RNASEH1: variants seen among roughly 807,000 people sequenced by gnomAD.
RNASEH1 encodes the protein ribonuclease H1, also known as ribonuclease H type II.
Under a neutral mutation model 34.6 loss-of-function variants are expected in RNASEH1, and 27 were observed. The observed-to-expected ratio is 0.78, with a 90% CI of 0.58 to 1.08. The LOEUF (loss-of-function observed/expected upper bound fraction) is 1.08. Ranked by LOEUF, RNASEH1 falls within the 50% of genes least tolerant of loss-of-function variation. The pLI is 0.00. For missense variants in RNASEH1, 349 were observed against 373.6 expected (o/e 0.93, Z 0.54); for synonymous variants, 162 against 138.4 (o/e 1.17, Z -1.20).
intron 4 of RNASEH1, 55 bp from the exon 5 acceptor site, chr2:3,549,167 A>C (rs1477264759): frequency 2.4e-6 from 3 of 1,257,038 alleles, no homozygotes; most frequent in South Asian, 2.4e-5. Context: ...TCTCAAAGTG[A>C]TTCTTCTTAA....
rs1016708601 is a variant in RNASEH1, at chr2:3,541,633, C to T, written c.*4152G>A. 6.6e-6 allele frequency among the ~76,000 whole-genome samples: 1 copy of T among 152,144 alleles called. No homozygotes were observed. The highest frequency in any genetic ancestry group is 2.4e-5 in the African/African-American group (1 of 41,420). On this transcript the variant is annotated 3_prime_UTR_variant, in exon 8 of 8. Transcript: ENST00000315212. ...CCCCACAGTACTTGCTCTGCGATTCCACTCAGATAAAATTCTAGAATATAT... is the reference window on the plus strand; with the variant it reads ...CCCCACAGTACTTGCTCTGCGATTCTACTCAGATAAAATTCTAGAATATAT...
chr2:3,535,364 C>T, the RNASEH1 span, among the ~76,000 whole-genome samples: 1 of 148,380 alleles, frequency 6.7e-6, no homozygotes, highest in Non-Finnish European at 1.5e-5. Flanking sequence ...GAGGCAGAGG[C>T]TGCAGTGAGC....
chr2:3,536,010 T>TACTGACC, the RNASEH1 span, among the ~76,000 whole-genome samples: 2 of 152,198 alleles, frequency 1.3e-5, no homozygotes, highest in African/African-American at 4.8e-5. Context: ...CCAGGTCCTG[T>TACTGACC]ACTGACCACA....
chr2:3,554,329 C>A (rs369727651), intron 2 of RNASEH1, among the ~76,000 whole-genome samples: 1 of 152,124 alleles, frequency 6.6e-6, no homozygotes, highest in Non-Finnish European at 1.5e-5. Context: ...GTTTTACTTA[C>A]TATAACAGAG....
At chr2:3,537,510 CCCAGAA>C (rs978676068), downstream of RNASEH1, among the ~76,000 whole-genome samples, 3 of 151,762 alleles carry the variant, frequency 2.0e-5, no homozygotes, top group African/African-American at 7.3e-5. Flanking sequence ...ATTGCTTGAG[CCCAGAA>C]GTTGAAGACC....
At chr2:3,550,193 T>C in intron 4 of RNASEH1, 180 bp downstream of exon 4, 10 of 374,018 alleles carry the variant, frequency 2.7e-5, no homozygotes, top group Non-Finnish European at 3.5e-5. Context: ...CTGAGGTACC[T>C]CACGTTCTGA....
At chr2:3,539,654 G>A (rs182608832), downstream of RNASEH1, among the ~76,000 whole-genome samples, 5 of 152,244 alleles carry the variant, frequency 3.3e-5, no homozygotes, top group East Asian at 5.8e-4. Context: ...TCATTGCTAC[G>A]TGTTTTGTTC....
intron 2 of RNASEH1, among the ~76,000 whole-genome samples, chr2:3,553,126 T>G (rs891182130): frequency 3.3e-5 from 5 of 151,796 alleles, no homozygotes; most frequent in Admixed American, 6.6e-5. Flanking sequence ...CGGGCACCTG[T>G]AATCCCAGCT....
Position 3,543,457 on chromosome 2 carries a change from T to C in RNASEH1, c.*2328A>G, listed in dbSNP as rs1668461176. ...GAGCTATCAATGACTGTGCGTGTGG[T>C]CTGTGCACACATGTATGCACACATG... On this transcript the variant is annotated 3_prime_UTR_variant, in exon 8 of 8. Transcript: ENST00000315212. 6.6e-6 allele frequency among the ~76,000 whole-genome samples: 1 copy of C among 152,014 alleles called. No homozygotes were observed. Among genetic ancestry groups the C allele is most frequent in the African/African-American group, 2.4e-5 (1 of 41,312 alleles).
rs372630726 is a variant in RNASEH1 at position 3,547,995 on chromosome 2, T to C, written c.710A>G (p.Glu237Gly). 3 of 1,613,662 alleles carry C rather than the reference T, an allele frequency of 1.9e-6. No homozygotes were observed. The African/African-American group carries it at 4.0e-5, about 22-fold the overall frequency. Residue 237 changes from glutamate (E) to glycine (G), a missense_variant, in exon 7 of 8, where the codon GAG (glutamate) becomes GGG (glycine). Physicochemically the swap from Glu to Gly is moderately conservative, Grantham distance 98 (BLOSUM62 -2). Coordinates refer to ENST00000315212, the MANE Select transcript of RNASEH1 (RefSeq NM_002936.6). Reference sequence around the variant, plus strand: ...CACAAAGTCCTCTTTGTTGATCACCTCTTTCCCTGCACTTGTCTTCCACCC... The same window carrying C: ...CACAAAGTCCTCTTTGTTGATCACCCCTTTCCCTGCACTTGTCTTCCACCC... ...KNGWKTSAGK[E>G]VINKEDFVAL...
At chr2:3,535,006 C>T in the RNASEH1 span, among the ~76,000 whole-genome samples, 6 of 152,144 alleles carry the variant, frequency 3.9e-5, no homozygotes, top group Admixed American at 2.0e-4. Flanking sequence ...CTGGGGAGTC[C>T]GTGTCCAACA....
At position 3,543,929 on chromosome 2, in the gene RNASEH1, A is replaced by G. The variant is rs1049526181; in HGVS notation, c.*1856T>C. Among the ~76,000 whole-genome samples the G allele has an allele frequency of 1.3e-5, 2 of 152,136 alleles. No individual in the cohort carries two copies. Among genetic ancestry groups the G allele is most frequent in the South Asian group, 4.1e-4 (2 of 4,834 alleles). On this transcript the variant is annotated 3_prime_UTR_variant, in exon 8 of 8. Transcript: ENST00000315212. ...ATGCCCAGCCCATGAATTCTTGTAT[A>G]TATGTAAAAACCCTTCACCACTCAC...
In RNASEH1 at chr2:3,542,110, G is replaced by A. The variant is rs1308749508; in HGVS notation, c.*3675C>T. On this transcript the variant is annotated 3_prime_UTR_variant, in exon 8 of 8. Transcript: ENST00000315212. ...GCAAACACTGAGAACAGCCAATTTA[G>A]ATTTCAACATACAGATAACAGGGAT... Among the ~76,000 whole-genome samples the A allele has an allele frequency of 1.3e-5, 2 of 152,142 alleles. No individual in the cohort carries two copies. The highest frequency in any genetic ancestry group is 6.5e-5 in the Admixed American group (1 of 15,270).
chr2:3,555,573 C>T (rs1399064432), intron 2 of RNASEH1, among the ~76,000 whole-genome samples: 2 of 152,132 alleles, frequency 1.3e-5, no homozygotes, highest in South Asian at 2.1e-4. Flanking sequence ...TACGATGATT[C>T]GAAGGAGCAG....
At chr2:3,538,497 T>G (rs1668110427), downstream of RNASEH1, among the ~76,000 whole-genome samples, 1 of 152,072 alleles carries the variant, frequency 6.6e-6, no homozygotes, top group Non-Finnish European at 1.5e-5. Context: ...CTTCACTGTT[T>G]GTGAATTTTT....
At chr2:3,551,156 G>C (rs1659852251) in intron 3 of RNASEH1, among the ~76,000 whole-genome samples, 1 of 152,256 alleles carries the variant, frequency 6.6e-6, no homozygotes, top group African/African-American at 2.4e-5. Flanking sequence ...GGAAGTGGAA[G>C]TACTTGTCCG....
chr2:3,541,329 CAAA>C (rs58652290), downstream of RNASEH1, among the ~76,000 whole-genome samples: 1 of 114,940 alleles, frequency 8.7e-6, no homozygotes. Context: ...GCTCCATCTC[CAAA>C]AAAAAAAAAA....
downstream of RNASEH1, chr2:3,536,794 T>C (rs757011491): frequency 1.3e-5 from 2 of 152,232 alleles, no homozygotes; most frequent in Non-Finnish European, 2.9e-5. Flanking sequence ...AGAAATCTAT[T>C]TTCTCCCAGT....
intron 7 of RNASEH1, among the ~76,000 whole-genome samples, chr2:3,546,505 ACT>A (rs1668767963): frequency 6.6e-6 from 1 of 152,234 alleles, no homozygotes; most frequent in African/African-American, 2.4e-5. Context: ...AACAAAATAC[ACT>A]GATAGTTTTA....
Sources: gnomAD v4.1 joint callset for allele counts (sites outside exome capture counted in the v4.1 genomes callset) on GRCh38, gnomAD v4.1.1 for gene constraint, MANE v1.5 for transcripts, NCBI Gene and HGNC (gene_info 2026-07-23, HGNC 2026-07-21) for gene names.